The following IP6K1 variants were observed in gnomAD, a reference collection of about 807,000 sequenced individuals.
IP6K1 encodes the protein ATP:1D-myo-inositol-hexakisphosphate phosphotransferase.
Under a neutral mutation model 38.3 loss-of-function variants are expected in IP6K1, and 13 were observed. The ratio of observed to expected loss-of-function variants is 0.34; its 90% CI spans 0.22 to 0.54. The LOEUF is 0.54. Among genes scored for constraint, IP6K1 ranks in the 20% least tolerant of loss-of-function variants. The pLI is 0.92. For synonymous variants in IP6K1, 212 were observed against 229.9 expected (o/e 0.92, Z 0.70); for missense variants, 397 against 599.8 (o/e 0.66, Z 3.53).
intron 1 of IP6K1, among the ~76,000 whole-genome samples, chr3:49,766,458 G>T (rs2080911998): frequency 6.6e-6 from 1 of 151,378 alleles, no homozygotes. Flanking sequence ...GAGGTCAGGA[G>T]TTCGAGACCA....
At chr3:49,741,336 C>A (rs2108231210) in intron 2 of IP6K1, among the ~76,000 whole-genome samples, 1 of 152,202 alleles carries the variant, frequency 6.6e-6, no homozygotes, top group South Asian at 2.1e-4. Flanking sequence ...TTTCTTTAAA[C>A]TATTATAGCC....
chr3:49,738,829 TGACA>T (rs1347897848), intron 2 of IP6K1, among the ~76,000 whole-genome samples: 4 of 152,158 alleles, frequency 2.6e-5, no homozygotes, highest in Non-Finnish European at 5.9e-5. Flanking sequence ...TCCTTCTGCC[TGACA>T]GTGTCAGCCA....
intron 1 of IP6K1, among the ~76,000 whole-genome samples, chr3:49,771,636 G>C (rs1279957957): frequency 1.3e-5 from 2 of 152,124 alleles, no homozygotes; most frequent in African/African-American, 2.4e-5. Context: ...TTTGGAAAAG[G>C]TATTATAGTT....
At chr3:49,773,915 A>G (rs945531812) in intron 1 of IP6K1, among the ~76,000 whole-genome samples, 4 of 151,882 alleles carry the variant, frequency 2.6e-5, no homozygotes, top group African/African-American at 9.7e-5. Flanking sequence ...AGGCTGAGGC[A>G]GCAGGATCAC....
chr3:49,766,590 G>A (rs1227912503), intron 1 of IP6K1, among the ~76,000 whole-genome samples: 2 of 144,424 alleles, frequency 1.4e-5, no homozygotes, highest in Admixed American at 7.0e-5. Context: ...CTTGAACCCG[G>A]GACGCAGAGG....
At chr3:49,755,636 GAAC>G (rs1353472194) in intron 1 of IP6K1, among the ~76,000 whole-genome samples, 2 of 152,104 alleles carry the variant, frequency 1.3e-5, no homozygotes, top group Non-Finnish European at 2.9e-5. Flanking sequence ...TAACAGAAAA[GAAC>G]AACACATAAA....
At chr3:49,749,415 T>C (rs1299853595) in intron 1 of IP6K1, among the ~76,000 whole-genome samples, 2 of 152,218 alleles carry the variant, frequency 1.3e-5, no homozygotes, top group African/African-American at 4.8e-5. Flanking sequence ...TTGGCAAATT[T>C]CTTAACACTG....
rs1461453474 is a variant in IP6K1, at chr3:49,726,778, C to G, written c.*344G>C. ...GGCTTTACCTTACAATCAGCAGGGC[C>G]CTGCAGCCACAGATCTCAAAGATCT... On this transcript the variant is annotated 3_prime_UTR_variant, in exon 6 of 6. Coordinates refer to ENST00000321599, the MANE Select transcript of IP6K1 (RefSeq NM_153273.4). 1.0e-5 allele frequency: 4 copies of G among 381,766 alleles called. No homozygotes were observed. Among genetic ancestry groups the G allele is most frequent in the Non-Finnish European group, 9.3e-6 (2 of 214,846 alleles). The allele number at this position is 381,766 out of a possible 1,614,324, so 23.6% of individuals were successfully genotyped here.
At chr3:49,759,067 A>T (rs888944043) in intron 1 of IP6K1, among the ~76,000 whole-genome samples, 2 of 114,890 alleles carry the variant, frequency 1.7e-5, no homozygotes, top group African/African-American at 5.7e-5. Flanking sequence ...ATCTTGATAA[A>T]TAAACAATTA....
chr3:49,782,360 G>C (rs1315516144), intron 1 of IP6K1, among the ~76,000 whole-genome samples: 1 of 151,836 alleles, frequency 6.6e-6, no homozygotes, highest in Non-Finnish European at 1.5e-5. Flanking sequence ...TAGTAGAGAC[G>C]GTTTTTCACC....
intron 4 of IP6K1, among the ~76,000 whole-genome samples, chr3:49,730,994 C>A (rs1378448295): frequency 6.6e-6 from 1 of 151,864 alleles, no homozygotes; most frequent in Non-Finnish European, 1.5e-5. Flanking sequence ...CAGGAATGAG[C>A]CTGGATTTAT....
intron 1 of IP6K1, among the ~76,000 whole-genome samples, chr3:49,772,678 C>T (rs1189243760): frequency 1.3e-5 from 2 of 151,892 alleles, no homozygotes; most frequent in African/African-American, 4.8e-5. Flanking sequence ...GCTGGGATTA[C>T]AGGCATGAGC....
chr3:49,737,136 C>A (rs1196627262), intron 3 of IP6K1, among the ~76,000 whole-genome samples: 1 of 149,184 alleles, frequency 6.7e-6, no homozygotes, highest in African/African-American at 2.5e-5. Context: ...GTCTGAAACT[C>A]CTGGCCTCAA....
chr3:49,754,904 C>T (rs1452153106), intron 1 of IP6K1, among the ~76,000 whole-genome samples: 1 of 148,062 alleles, frequency 6.8e-6, no homozygotes. Flanking sequence ...CTCAGATTAA[C>T]CACTTGGGTT....
intron 2 of IP6K1, among the ~76,000 whole-genome samples, chr3:49,743,237 A>ACACAC (rs754619018): frequency 1.4e-3 from 84 of 59,902 alleles, no homozygotes; most frequent in African/African-American, 3.5e-3. Flanking sequence ...AAACAAAAAC[A>ACACAC]AAATACACAC....
At position 49,727,645 on chromosome 3, in the gene IP6K1, A is replaced by G; in HGVS notation, c.803T>C (p.Leu268Pro). Reference protein sequence around the residue: ...VRVCGMQVYQLDTGHYLCRNK... With the variant: ...VRVCGMQVYQPDTGHYLCRNK... ...CCTGCAGAGGTAATGCCCTGTGTCC[A>G]GCTGGTACACCTGAAACCCCAGGAG... Residue 268 changes from leucine to proline, a missense_variant, in exon 6 of 6, where the codon CTG (leucine) becomes CCG (proline). Physicochemically the swap from Leu to Pro is moderately conservative, Grantham distance 98. Around this residue, in one of 3 missense-constraint regions of IP6K1, gnomAD observed 62 missense variants for 149.2 expected, o/e 0.42. Transcript: ENST00000321599. The surrounding 1 kb of genome is among the most constrained non-coding windows in gnomAD (Gnocchi z 5.9). The G allele has an allele frequency of 6.2e-7, 1 of 1,613,414 alleles. No individual in the cohort carries two copies. The highest frequency in any genetic ancestry group is 8.5e-7 in the Non-Finnish European group (1 of 1,179,406).
At chr3:49,760,125 G>C (rs2080856014) in intron 1 of IP6K1, among the ~76,000 whole-genome samples, 1 of 152,118 alleles carries the variant, frequency 6.6e-6, no homozygotes, top group South Asian at 2.1e-4. Context: ...CCATCTCCCA[G>C]CTTCAAGTGA....
rs1354632345 is a variant in IP6K1 at position 49,725,302 on chromosome 3, C to G, written c.*1820G>C. ...CAGACCCTATGTCTTACCCTCCACC[C>G]TACCAGGGAATGACTATCTACACTA... is the stretch of plus-strand genomic sequence containing the variant. On this transcript the variant is annotated 3_prime_UTR_variant, in exon 6 of 6. Transcript: ENST00000321599. The G allele has an allele frequency of 2.0e-5, 3 of 152,354 alleles. No homozygotes were observed. The highest frequency in any genetic ancestry group is 6.5e-5 in the Admixed American group (1 of 15,276). 9.4% of individuals were successfully genotyped at this position (152,354 alleles called of 1,614,324 possible).
rs746409446 is a variant in IP6K1 at position 49,727,554 on chromosome 3, G to A, written c.894C>T (p.His298=). ...GGTCACGTCGCAGGTCCAGGCCATT[G>A]TGCAGATATTGATAGAGGGCATTGC... ...GFRNALYQYL[H]NGLDLRRDLF... The change falls in exon 6 of 6, where the codon CAC becomes CAT. Residue 298 remains histidine, a synonymous_variant. Transcript: ENST00000321599. The surrounding 1 kb of genome is among the most constrained non-coding windows in gnomAD (Gnocchi z 5.9). 40 of 1,614,106 alleles carry A rather than the reference G, an allele frequency of 2.5e-5. No homozygotes were observed. The highest frequency in any genetic ancestry group is 2.8e-5 in the Non-Finnish European group (33 of 1,180,044).
Sources: gnomAD v4.1 joint callset for allele counts (sites outside exome capture counted in the v4.1 genomes callset) on GRCh38, gnomAD v4.1.1 for gene constraint, gnomAD v4.1.1 regional missense constraint, Gnocchi (gnomAD v3.1) non-coding constraint, MANE v1.5 for transcripts, NCBI Gene and HGNC (gene_info 2026-07-23, HGNC 2026-07-21) for gene names.